THSD7A: variants seen among roughly 807,000 people sequenced by gnomAD.
The protein encoded by THSD7A is thrombospondin type 1 domain containing 7A.
In THSD7A, 96 loss-of-function variants were observed where a neutral mutation model predicts 231.3. The observed-to-expected ratio is 0.41, with a 90% confidence interval of 0.35 to 0.49. THSD7A has a LOEUF of 0.49. Among genes scored for constraint, THSD7A ranks in the 20% least tolerant of loss-of-function variants. The pLI is 0.05. For synonymous variants in THSD7A, 940 were observed against 743.3 expected, an observed-to-expected ratio of 1.26 and a Z score of -4.30; for missense variants, 2,290 against 2,070.2, an observed-to-expected ratio of 1.11 and a Z score of -2.06.
intron 1 of THSD7A, among the ~76,000 whole-genome samples, chr7:11,726,338 C>G (rs1583229424): frequency 6.6e-6 from 1 of 152,066 alleles, no homozygotes; most frequent in African/African-American, 2.4e-5. Flanking sequence ...TCTACACCTT[C>G]TACCACACAT....
In THSD7A at chr7:11,446,079, A is replaced by G; in HGVS notation, c.3046T>C (p.Ser1016Pro). The change falls in exon 13 of 28, where the codon TCT becomes CCT. Residue 1016 changes from serine (S) to proline (P), a missense_variant. Physicochemically the swap from Ser to Pro is moderately conservative, Grantham distance 74. Transcript: ENST00000423059. The surrounding 1 kb of genome is among the most constrained non-coding windows in gnomAD (Gnocchi z 4.0). ...GAATTACCATGGCTGTTACATCTAG[A>G]TGTTTCCACAAGCCTGCCATTTTGA... Reference protein sequence around the residue: ...YDQNGRLVETSRCNSHGYIEE... With the variant: ...YDQNGRLVETPRCNSHGYIEE... 1 of 1,613,274 alleles carries G rather than the reference A, an allele frequency of 6.2e-7. No individual in the cohort carries two copies. Among genetic ancestry groups the G allele is most frequent in the Non-Finnish European group, 8.5e-7 (1 of 1,179,486 alleles).
chr7:11,382,535 C>G lies in THSD7A; in HGVS notation c.4493G>C (p.Gly1498Ala). 6.2e-7 allele frequency: 1 copy of G among 1,612,284 alleles called. No individual in the cohort carries two copies. The highest frequency in any genetic ancestry group is 8.5e-7 in the Non-Finnish European group (1 of 1,178,848). Residue 1498 changes from glycine (G) to alanine (A), a missense_variant, in exon 24 of 28, where the codon GGT becomes GCT. By Grantham distance (60) the Gly-to-Ala change is moderately conservative. Coordinates refer to ENST00000423059, the MANE Select transcript of THSD7A (RefSeq NM_015204.3). The part of the protein sequence containing the change: ...SRTVWCQRSD[G>A]INVTGGCLVM... ...TGGAGGTTTACCTGTTACATTTATA[C>G]CATCTGACCTTTGACACCACACTGT...
intron 1 of THSD7A, among the ~76,000 whole-genome samples, chr7:11,645,511 G>A (rs958519929): frequency 2.0e-5 from 3 of 151,628 alleles, no homozygotes; most frequent in African/African-American, 7.3e-5. Flanking sequence ...ATTTAAATAC[G>A]TTAAATGCAT....
chr7:11,542,974 G>A lies in THSD7A; in HGVS notation c.1597C>T (p.Gln533Ter). ...PCTYENCNDQ[Q>*]GKKGFKLRKR... The stretch of plus-strand genomic sequence containing the variant: ...TCACGTTACCTACCTTTTTTCCCTT[G>A]CTGATCATTACAGTTTTCATAAGTA... The change falls in exon 5 of 28, where the codon CAA becomes TAA. Residue 533 changes from glutamine to a stop codon, truncating the protein, a stop_gained. Coordinates refer to ENST00000423059, the MANE Select transcript of THSD7A (RefSeq NM_015204.3). LOFTEE classifies it high-confidence loss of function. 1 of 1,611,168 alleles carries A rather than the reference G, an allele frequency of 6.2e-7. No individual in the cohort carries two copies. Among genetic ancestry groups the A allele is most frequent in the Non-Finnish European group, 8.5e-7 (1 of 1,178,982 alleles).
chr7:11,623,090 T>C (rs1015430309), intron 2 of THSD7A, among the ~76,000 whole-genome samples: 13 of 152,202 alleles, frequency 8.5e-5, no homozygotes, highest in African/African-American at 2.9e-4. Context: ...GCTACATTCA[T>C]GGACTATCTA....
rs972772422 is a variant in THSD7A at position 11,441,246 on chromosome 7, G to A, written c.3064+4815C>T. ...AAAGAATAAACAAGAAACATAATAA[G>A]TAAGTAAATTATATGGTATGTTATA... is the stretch of plus-strand genomic sequence containing the variant. On this transcript the variant is annotated intron_variant, in intron 13 of 27. Transcript: ENST00000423059. Among the ~76,000 whole-genome samples, 9 of 151,930 alleles carry A rather than the reference G, an allele frequency of 5.9e-5. No individual in the cohort carries two copies. The East Asian group carries it at 1.7e-3, about 29-fold the overall frequency.
intron 1 of THSD7A, among the ~76,000 whole-genome samples, chr7:11,698,609 A>C (rs577768650): frequency 1.3e-5 from 2 of 151,452 alleles, no homozygotes; most frequent in Non-Finnish European, 3.0e-5. Flanking sequence ...AGGTTAAATT[A>C]TTTCAAGTTA....
intron 1 of THSD7A, among the ~76,000 whole-genome samples, chr7:11,697,533 A>G (rs1187024656): frequency 4.0e-5 from 6 of 151,264 alleles, no homozygotes; most frequent in Non-Finnish European, 3.0e-5. Context: ...CAAGACAAAT[A>G]TGAGAGATTA....
chr7:11,742,247 T>C (rs1399662201), intron 1 of THSD7A, among the ~76,000 whole-genome samples: 1 of 151,940 alleles, frequency 6.6e-6, no homozygotes, highest in Non-Finnish European at 1.5e-5. Context: ...CAACAGTCTT[T>C]GATTGTGACA....
intron 1 of THSD7A, among the ~76,000 whole-genome samples, chr7:11,722,568 A>AT (rs1180283245): frequency 6.6e-6 from 1 of 151,774 alleles, no homozygotes; most frequent in African/African-American, 2.4e-5. Context: ...AACCACTGTG[A>AT]TTTTATCCAC....
chr7:11,397,053 C>T (rs988567884), intron 23 of THSD7A, among the ~76,000 whole-genome samples: 2 of 152,138 alleles, frequency 1.3e-5, no homozygotes, highest in Non-Finnish European at 2.9e-5. Context: ...TCAATAGATG[C>T]AGAAGAGGCC....
chr7:11,395,389 C>A (rs1245337560), intron 23 of THSD7A, among the ~76,000 whole-genome samples: 1 of 152,104 alleles, frequency 6.6e-6, no homozygotes, highest in African/African-American at 2.4e-5. Context: ...TTTAACACCC[C>A]ATTGTCAATA....
intron 9 of THSD7A, among the ~76,000 whole-genome samples, chr7:11,467,186 C>T (rs1253424817): frequency 6.6e-6 from 1 of 152,214 alleles, no homozygotes; most frequent in Non-Finnish European, 1.5e-5. Context: ...CTGATGTCTC[C>T]AATCCTCACT....
chr7:11,661,212 G>C (rs1314292695), intron 1 of THSD7A, among the ~76,000 whole-genome samples: 2 of 151,320 alleles, frequency 1.3e-5, no homozygotes, highest in African/African-American at 4.8e-5. Context: ...ATAATCAGTT[G>C]AATTTCAGAT....
intron 1 of THSD7A, among the ~76,000 whole-genome samples, chr7:11,754,337 A>C (rs2128165858): frequency 6.6e-6 from 1 of 152,190 alleles, no homozygotes. Flanking sequence ...CTTGGGTTTA[A>C]CAGCCTGCAC....
intron 1 of THSD7A, among the ~76,000 whole-genome samples, chr7:11,730,868 C>A (rs955097587): frequency 4.0e-5 from 6 of 151,610 alleles, no homozygotes; most frequent in Non-Finnish European, 7.4e-5. Context: ...TTGTCCTCAA[C>A]AAGGTGATGG....
intron 13 of THSD7A, among the ~76,000 whole-genome samples, chr7:11,433,404 G>C (rs1380190221): frequency 6.6e-6 from 1 of 151,844 alleles, no homozygotes; most frequent in Non-Finnish European, 1.5e-5. Context: ...ATAAGTTATA[G>C]TTTAATAAAT....
chr7:11,485,211 C>A (rs932617411), intron 6 of THSD7A, among the ~76,000 whole-genome samples: 1 of 152,008 alleles, frequency 6.6e-6, no homozygotes, highest in South Asian at 2.1e-4. Flanking sequence ...CTTAAAAGAT[C>A]CCCAGGTAAT....
chr7:11,733,606 G>A (rs889050986), intron 1 of THSD7A, among the ~76,000 whole-genome samples: 1 of 151,676 alleles, frequency 6.6e-6, no homozygotes, highest in Non-Finnish European at 1.5e-5. Context: ...GTAGACAAGA[G>A]GCAGCGTCTA....
Sources: gnomAD v4.1 joint callset for allele counts (sites outside exome capture counted in the v4.1 genomes callset) on GRCh38, gnomAD v4.1.1 for gene constraint, Gnocchi (gnomAD v3.1) non-coding constraint, MANE v1.5 for transcripts, NCBI Gene and HGNC (gene_info 2026-07-23, HGNC 2026-07-21) for gene names.